ATP13A2: variants seen among roughly 807,000 people sequenced by gnomAD.
The protein encoded by ATP13A2 is polyamine-transporting ATPase 13A2.
ATP13A2 carries 83 observed loss-of-function variants against 138.3 expected under a neutral mutation model. That is an observed-to-expected ratio of 0.60 (90% CI 0.50 to 0.72). The LOEUF is 0.72. Ranked by LOEUF, ATP13A2 falls within the 30% of genes least tolerant of loss-of-function variation. The pLI is 0.00. For synonymous variants in ATP13A2, 663 were observed against 699.0 expected (o/e 0.95, Z 0.81); for missense variants, 1,402 against 1,606.4 (o/e 0.87, Z 2.17).
chr1:16,997,291 G>T, intron 11 of ATP13A2, 116 bp from the exon 12 acceptor site: 2 of 1,278,178 alleles, frequency 1.6e-6, no homozygotes, highest in Admixed American at 3.9e-5. Context: ...CTGTAACCAG[G>T]TGTGAACAAG....
At chr1:16,996,904 G>C (rs2077147062) in intron 12 of ATP13A2, 116 bp downstream of exon 12, 12 of 1,320,554 alleles carry the variant, frequency 9.1e-6, no homozygotes, top group Non-Finnish European at 3.2e-6. Flanking sequence ...CCACAGCAGG[G>C]CAGCAGCAGA....
At position 17,010,238 on chromosome 1, in the gene ATP13A2, CA is replaced by C. The variant is rs1182245488; in HGVS notation, c.10+1490del. On this transcript the variant is annotated intron_variant, in intron 1 of 28. Transcript: ENST00000326735. The stretch of plus-strand genomic sequence containing the variant: ...GACTACAGGCACATGCCACCACACT[CA>C]GCTAATTTTTGTATTTTTAGTAGAG... 2.0e-5 allele frequency among the ~76,000 whole-genome samples: 3 copies of C among 152,296 alleles called. 1 individual carries two copies. The highest frequency in any genetic ancestry group is 2.0e-4 in the Admixed American group (3 of 15,294).
At chr1:16,997,421 G>GGGGGGGGGGGGGA (rs1369808660) in intron 11 of ATP13A2, among the ~76,000 whole-genome samples, 1 of 131,768 alleles carries the variant, frequency 7.6e-6, no homozygotes, top group African/African-American at 3.0e-5. Flanking sequence ...CAGCGGGGGG[G>GGGGGGGGGGGGGA]GGTGGGTCAG....
Position 16,997,097 on chromosome 1 carries a change from G to A in ATP13A2, c.1118C>T (p.Thr373Ile), listed in dbSNP as rs757548140. 6.2e-7 allele frequency: 1 copy of A among 1,613,768 alleles called. No homozygotes were observed. The highest frequency in any genetic ancestry group is 8.5e-7 in the Non-Finnish European group (1 of 1,180,026). The change falls in exon 12 of 29, where the codon ACA (threonine) becomes ATA (isoleucine). Residue 373 changes from threonine (T) to isoleucine (I), a missense_variant. By Grantham distance (89) the Thr-to-Ile change is moderately conservative. Transcript: ENST00000326735. Reference protein sequence around the residue: ...PYCAETHRRHTLFCGTLILQA... With the variant: ...PYCAETHRRHILFCGTLILQA... Reference sequence around the variant, plus strand: ...CAAGATGAGGGTCCCGCAGAAGAGTGTGTGCCGCCGGTGTGTCTCTGCACA... The same window carrying A: ...CAAGATGAGGGTCCCGCAGAAGAGTATGTGCCGCCGGTGTGTCTCTGCACA...
At chr1:17,009,824 A>T (rs9435670) in intron 1 of ATP13A2, among the ~76,000 whole-genome samples, 51 of 151,960 alleles carry the variant, frequency 3.4e-4, no homozygotes, top group Non-Finnish European at 2.9e-4. Flanking sequence ...ACACTCTCTC[A>T]GTCAACCTTG....
chr1:16,992,522 C>G lies in ATP13A2; in HGVS notation c.1809G>C (p.Met603Ile), dbSNP rs1438327777. Residue 603 changes from methionine to isoleucine, a missense_variant, in exon 17 of 29, where the codon ATG becomes ATC. Met to Ile is a conservative substitution (Grantham distance 10, BLOSUM62 1). Transcript: ENST00000326735. Reference protein sequence around the residue: ...SAFGTQVLAVMRPPLWEPQLQ... With the variant: ...SAFGTQVLAVIRPPLWEPQLQ... ...GCTGGGGCTCCCAAAGTGGGGGTCT[C>G]ATCACTGCCAAGACCTGGGTCCCAA... 6.2e-7 allele frequency: 1 copy of G among 1,614,202 alleles called. No individual in the cohort carries two copies. The highest frequency in any genetic ancestry group is 1.7e-5 in the Admixed American group (1 of 60,028).
rs185739088 is a variant in ATP13A2, at chr1:16,991,689, G to A, written c.2251+45C>T. On this transcript the variant is annotated intron_variant, in intron 20 of 28. Coordinates refer to ENST00000326735, the MANE Select transcript of ATP13A2 (RefSeq NM_022089.4). ...GTGCCCCTCTTCTCTGCCAGGAAGGGGCGGATTCTGCCCTGCTAGCCCGGG... is the reference window on the plus strand; with the variant it reads ...GTGCCCCTCTTCTCTGCCAGGAAGGAGCGGATTCTGCCCTGCTAGCCCGGG... 1,536 of 1,613,756 alleles carry A rather than the reference G, an allele frequency of 9.5e-4. 20 individuals are homozygous for A. The African/African-American group carries it at 0.019, about 20-fold the overall frequency.
Position 16,996,025 on chromosome 1 carries a change from G to C in ATP13A2, c.1493C>G (p.Pro498Arg). The C allele has an allele frequency of 1.2e-6, 2 of 1,614,096 alleles. No homozygotes were observed. The highest frequency in any genetic ancestry group is 1.6e-4 in the Middle Eastern group (1 of 6,062). The change falls in exon 15 of 29, where the codon CCA (proline) becomes CGA (arginine). Residue 498 changes from proline (P) to arginine (R), a missense_variant. By Grantham distance (103) the Pro-to-Arg change is moderately radical (BLOSUM62 -2). Coordinates refer to ENST00000326735, the MANE Select transcript of ATP13A2 (RefSeq NM_022089.4). ...CTTGCCCCCCAGGTTGATGCGCAGT[G>C]GGTGGATGCAGAAAATGCCCTGTCT... ...LRRQGIFCIH[P>R]LRINLGGKLQ...
At position 16,990,213 on chromosome 1, in the gene ATP13A2, C is replaced by G. The variant is rs56170027; in HGVS notation, c.2326G>C (p.Val776Leu). 4.0e-5 allele frequency: 65 copies of G among 1,613,868 alleles called. No individual in the cohort carries two copies. The highest frequency in any genetic ancestry group is 5.3e-5 in the Non-Finnish European group (62 of 1,180,034). ...CCCCGCTCAGGGTGGGTGGCGTGGA[C>G]GATGATCAGATGCTCCTGGGGGGCC... ...MVAPQEHLII[V>L]HATHPERGQP... is the part of the protein sequence containing the mutation. The change falls in exon 21 of 29, where the codon GTC becomes CTC. Residue 776 changes from valine (V) to leucine (L), a missense_variant. Coordinates refer to ENST00000326735, the MANE Select transcript of ATP13A2 (RefSeq NM_022089.4).
intron 16 of ATP13A2, 129 bp from the exon 17 acceptor site, chr1:16,992,710 G>T (rs1355571642): frequency 3.3e-6 from 3 of 919,728 alleles, no homozygotes; most frequent in Non-Finnish European, 5.1e-6. Flanking sequence ...TTGGAGCCCG[G>T]TGGACTCAAA....
At chr1:16,987,783 A>G (rs1487675761) in intron 25 of ATP13A2, among the ~76,000 whole-genome samples, 2 of 152,130 alleles carry the variant, frequency 1.3e-5, no homozygotes, top group African/African-American at 4.8e-5. Context: ...GGGCAAAGCA[A>G]GTGCATCTGG....
chr1:17,005,617 G>C (rs1181825308), intron 2 of ATP13A2, 61 bp from the exon 3 acceptor site: 11 of 1,613,272 alleles, frequency 6.8e-6, no homozygotes, highest in Middle Eastern at 1.6e-4. Context: ...GTAGGAAGTT[G>C]GGGTGTCTGG....
At chr1:16,988,055 G>A (rs865869400) in intron 25 of ATP13A2, 83 bp downstream of exon 25, 1 of 1,273,252 alleles carries the variant, frequency 7.9e-7, no homozygotes, top group Middle Eastern at 1.8e-4. Flanking sequence ...TCTATTCTGG[G>A]ACCTGCCAGC....
chr1:16,992,040 G>A lies in ATP13A2; in HGVS notation c.2095C>T (p.Pro699Ser), dbSNP rs756039984. The change falls in exon 19 of 29, where the codon CCC (proline) becomes TCC (serine). Residue 699 changes from proline (P) to serine (S), a missense_variant. Physicochemically the swap from Pro to Ser is moderately conservative, Grantham distance 74 (BLOSUM62 -1). Transcript: ENST00000326735. ...AGTTGCTGGGCTGCCTCCAGGCTGG[G>A]CACAGTGGGCAGTGGCTTGCTGGCC... ...ALASKPLPTV[P>S]SLEAAQQLTR... is the part of the protein sequence containing the mutation. The A allele has an allele frequency of 1.2e-6, 2 of 1,613,322 alleles. No homozygotes were observed. Among genetic ancestry groups the A allele is most frequent in the African/African-American group, 1.3e-5 (1 of 75,064 alleles).
chr1:17,006,254 C>CTTT (rs57121858), intron 1 of ATP13A2, among the ~76,000 whole-genome samples: 8 of 143,048 alleles, frequency 5.6e-5, no homozygotes, highest in South Asian at 2.2e-4. Context: ...CTTACCGTAT[C>CTTT]TTTTTTTTTT....
chr1:17,009,758 C>T (rs6662202), intron 1 of ATP13A2, among the ~76,000 whole-genome samples: 33,085 of 151,994 alleles, frequency 0.22, 4,116 homozygotes, highest in East Asian at 0.55. Flanking sequence ...ATGTAAACAG[C>T]GGTCCCCCTG....
Position 16,986,342 on chromosome 1 carries a change from C to T in ATP13A2, c.3422G>A (p.Cys1141Tyr). Reference protein sequence around the residue: ...AFMLESVLDQCLPACLRRLRP... With the variant: ...AFMLESVLDQYLPACLRRLRP... ...GAGGCGGCGCAGGCAGGCGGGGAGG[C>T]ACTGGTCTAGCACGCTCTGCAAAGG... Residue 1141 changes from cysteine (C) to tyrosine (Y), a missense_variant, in exon 29 of 29, where the codon TGC becomes TAC. Coordinates refer to ENST00000326735, the MANE Select transcript of ATP13A2 (RefSeq NM_022089.4). This position sits in a 1 kb window ranked among gnomAD's most constrained non-coding sequence, Gnocchi z 6.9. 4 of 1,578,950 alleles carry T rather than the reference C, an allele frequency of 2.5e-6. No individual in the cohort carries two copies. Among genetic ancestry groups the T allele is most frequent in the South Asian group, 1.1e-5 (1 of 87,580 alleles).
intron 22 of ATP13A2, 33 bp downstream of exon 22, chr1:16,989,854 G>A (rs780146972): frequency 2.1e-5 from 33 of 1,608,100 alleles, no homozygotes; most frequent in South Asian, 3.3e-5. Context: ...CAGGGGAGGC[G>A]CAGGGCGGCC....
At position 16,992,142 on chromosome 1, in the gene ATP13A2, G is replaced by A; in HGVS notation, c.2006-13C>T. 1 of 1,612,638 alleles carries A rather than the reference G, an allele frequency of 6.2e-7. No homozygotes were observed. On this transcript the variant is annotated splice_polypyrimidine_tract_variant and intron_variant, in intron 18 of 28. Transcript: ENST00000326735. ...AAGTCGGTGGGCACTGCCAGGGAGAGGCAGGTGTCACAAGGAGGGGATGGC... is the reference window on the plus strand; with the variant it reads ...AAGTCGGTGGGCACTGCCAGGGAGAAGCAGGTGTCACAAGGAGGGGATGGC...
Sources: allele counts gnomAD v4.1 joint callset (sites outside exome capture counted in the v4.1 genomes callset), GRCh38; gene constraint gnomAD v4.1.1; non-coding constraint Gnocchi (gnomAD v3.1); transcripts MANE v1.5; gene names NCBI Gene and HGNC (gene_info 2026-07-23, HGNC 2026-07-21).